LRRC56: variants seen among roughly 807,000 people sequenced by gnomAD.
LRRC56 encodes the protein leucine rich repeat containing 56, also known as leucine-rich repeat-containing protein 56.
Under a neutral mutation model 47.8 loss-of-function variants are expected in LRRC56, and 41 were observed. That is an observed-to-expected ratio of 0.86 (90% CI 0.67 to 1.11). The LOEUF is 1.11. Ranked by LOEUF, LRRC56 falls within the 50% of genes most tolerant of loss-of-function variation. The pLI, the probability that LRRC56 is intolerant of heterozygous loss-of-function variation, is 0.00. For synonymous variants in LRRC56, 387 were observed against 311.2 expected (o/e 1.24, Z -2.56); for missense variants, 759 against 704.2 (o/e 1.08, Z -0.88).
At chr11:506,555 A>G in the LRRC56 span, 2 of 152,094 alleles carry the variant, frequency 1.3e-5, no homozygotes, top group Non-Finnish European at 2.9e-5. Flanking sequence ...GAAGCTCCGC[A>G]ATGGAGAGCG....
Position 554,393 on chromosome 11 carries a change from T to C in LRRC56, c.*117T>C, listed in dbSNP as rs1023480080. 3.3e-6 allele frequency: 3 copies of C among 902,320 alleles called. No individual in the cohort carries two copies. The African/African-American group carries it at 5.2e-5, about 16-fold the overall frequency. 55.9% of individuals were successfully genotyped at this position (902,320 alleles called of 1,614,324 possible). On this transcript the variant is annotated 3_prime_UTR_variant, in exon 14 of 14. Coordinates refer to ENST00000270115, the MANE Select transcript of LRRC56 (RefSeq NM_198075.4). ...GGGGGGTGGAAGGAGTGCCTGGCCC[T>C]GGGGAGGACCCTCTTGGTGGAGGGG...
intron 6 of LRRC56, 139 bp downstream of exon 6, chr11:544,919 C>CTG: frequency 1.2e-6 from 1 of 868,348 alleles, no homozygotes; most frequent in South Asian, 1.5e-5. Flanking sequence ...TAGAGAGCTC[C>CTG]ATCCTGCTGG....
chr11:552,381 A>G, intron 12 of LRRC56, 149 bp downstream of exon 12: 1 of 1,239,572 alleles, frequency 8.1e-7, no homozygotes, highest in East Asian at 2.5e-5. Flanking sequence ...GGCTGGGGCT[A>G]CCTTGGCTGA....
upstream of LRRC56, chr11:534,104 G>T (rs1033863305): frequency 1.7e-6 from 2 of 1,172,572 alleles, no homozygotes; most frequent in Non-Finnish European, 2.5e-6. Flanking sequence ...AGGAGACAGG[G>T]CCACAGCACC....
intron 9 of LRRC56, 96 bp from the exon 10 acceptor site, chr11:551,555 T>C: frequency 7.6e-7 from 1 of 1,321,672 alleles, no homozygotes; most frequent in Non-Finnish European, 1.0e-6. Flanking sequence ...CCTCAGGCCA[T>C]GCAGCATGGG....
At position 541,400 on chromosome 11, in the gene LRRC56, C is replaced by T. The variant is rs1464185119; in HGVS notation, c.178-137C>T. The T allele has an allele frequency of 2.1e-6, 1 of 487,362 alleles. No individual in the cohort carries two copies. 30.2% of individuals were successfully genotyped at this position (487,362 alleles called of 1,614,324 possible). A position where few individuals can be genotyped will look rare whatever the true frequency, so the allele number is the denominator to read the frequency against. On this transcript the variant is annotated intron_variant, in intron 4 of 13. Transcript: ENST00000270115. This position sits in a 1 kb window ranked among gnomAD's most constrained non-coding sequence, Gnocchi z 4.1. ...TCCACTCCCATCCCACCACCCAGGC[C>T]AGGGCCAACATGGCCCAGGCAGGGA...
chr11:540,026 C>T (rs936799562), intron 3 of LRRC56, among the ~76,000 whole-genome samples: 5 of 152,218 alleles, frequency 3.3e-5, no homozygotes, highest in African/African-American at 7.2e-5. Context: ...GTGCTGTGAC[C>T]TCAGCCTGGC....
the LRRC56 span, chr11:532,518 T>C: frequency 1.4e-6 from 2 of 1,397,276 alleles, no homozygotes; most frequent in East Asian, 2.5e-5. Flanking sequence ...TGTCCTGAGC[T>C]TGTGCTGGGC....
chr11:507,015 G>A, the LRRC56 span: 15 of 151,986 alleles, frequency 9.9e-5, no homozygotes, highest in African/African-American at 3.6e-4. Flanking sequence ...GCGCAGCAAC[G>A]GCCTCAATAG....
At chr11:517,025 T>C in the LRRC56 span, among the ~76,000 whole-genome samples, 1 of 152,142 alleles carries the variant, frequency 6.6e-6, no homozygotes, top group Non-Finnish European at 1.5e-5. Flanking sequence ...GGTTTTTGTA[T>C]TTTTGGAGGA....
intron 6 of LRRC56, among the ~76,000 whole-genome samples, chr11:546,162 C>T (rs992128638): frequency 3.0e-4 from 45 of 152,226 alleles, no homozygotes; most frequent in African/African-American, 9.6e-4. Context: ...CCCAGCTGCT[C>T]AGGAGGCTGA....
At chr11:514,345 G>A in the LRRC56 span, among the ~76,000 whole-genome samples, 1 of 151,538 alleles carries the variant, frequency 6.6e-6, no homozygotes. Flanking sequence ...AGAGTGCAGT[G>A]ACATTATCTC....
chr11:508,144 AAACCTCTCCTCT>A, the LRRC56 span, among the ~76,000 whole-genome samples: 1 of 152,250 alleles, frequency 6.6e-6, no homozygotes, highest in Non-Finnish European at 1.5e-5. Context: ...GCAATTTGCT[AAACCTCTCCTCT>A]GACTGCCTTT....
the LRRC56 span, among the ~76,000 whole-genome samples, chr11:512,747 A>G: frequency 6.6e-6 from 1 of 152,220 alleles, no homozygotes; most frequent in African/African-American, 2.4e-5. Context: ...TATGAGTGGT[A>G]TCCATGCCAT....
At chr11:547,632 G>A (rs1055651664) in intron 6 of LRRC56, among the ~76,000 whole-genome samples, 1 of 151,954 alleles carries the variant, frequency 6.6e-6, no homozygotes, top group African/African-American at 2.4e-5. Flanking sequence ...GATTACAGGC[G>A]TGAGCCACCA....
intron 6 of LRRC56, among the ~76,000 whole-genome samples, chr11:547,130 G>A (rs965622243): frequency 6.6e-6 from 1 of 151,930 alleles, no homozygotes. Context: ...TGCACAGGAG[G>A]CTGAGGCATG....
chr11:521,832 G>A, the LRRC56 span, among the ~76,000 whole-genome samples: 9 of 151,638 alleles, frequency 5.9e-5, no homozygotes, highest in Non-Finnish European at 1.0e-4. Context: ...GGAGAATGGC[G>A]TGAACCTGGG....
chr11:550,601 C>G (rs1037176676), intron 8 of LRRC56, among the ~76,000 whole-genome samples: 2 of 152,160 alleles, frequency 1.3e-5, no homozygotes, highest in Non-Finnish European at 2.9e-5. Context: ...CCTGTGTACG[C>G]CCTGTCCAGA....
the LRRC56 span, among the ~76,000 whole-genome samples, chr11:512,159 G>A: frequency 7.9e-5 from 12 of 152,078 alleles, no homozygotes; most frequent in Non-Finnish European, 1.6e-4. Context: ...GGACAGGCTG[G>A]TCTCAATCTC....
Sources: gnomAD v4.1 joint callset for allele counts (sites outside exome capture counted in the v4.1 genomes callset) on GRCh38, gnomAD v4.1.1 for gene constraint, Gnocchi (gnomAD v3.1) non-coding constraint, MANE v1.5 for transcripts, NCBI Gene and HGNC (gene_info 2026-07-23, HGNC 2026-07-21) for gene names.